Variants in IFT74 observed in about 807,000 individuals in gnomAD.
IFT74 encodes intraflagellar transport 74, also known as intraflagellar transport protein 74 homolog.
A neutral mutation model predicts 96.7 loss-of-function variants in IFT74; 92 were observed. The ratio of observed to expected loss-of-function variants is 0.95; its 90% CI spans 0.80 to 1.13. The LOEUF is 1.13. Ranked by LOEUF, IFT74 falls within the 50% of genes most tolerant of loss-of-function variation. The probability of loss-of-function intolerance (pLI) is 0.00; values close to 1 mark genes in which losing one functional copy is unlikely to be tolerated. For missense variants in IFT74, 811 were observed against 698.2 expected, an observed-to-expected ratio of 1.16 and a Z score of -1.82; for synonymous variants, 223 against 213.2, an observed-to-expected ratio of 1.05 and a Z score of -0.40.
At chr9:27,021,452 A>T (rs1038972703) in intron 12 of IFT74, among the ~76,000 whole-genome samples, 7 of 152,202 alleles carry the variant, frequency 4.6e-5, no homozygotes, top group African/African-American at 1.7e-4. Context: ...TTCCACAAGC[A>T]GTGTAAAAGT....
At chr9:27,026,682 A>T (rs993571778) in intron 12 of IFT74, among the ~76,000 whole-genome samples, 5 of 152,214 alleles carry the variant, frequency 3.3e-5, no homozygotes, top group African/African-American at 1.2e-4. Context: ...CTTAAAAACC[A>T]TGCAGATACA....
chr9:26,996,199 A>G (rs963597165), intron 8 of IFT74: 2 of 699,354 alleles, frequency 2.9e-6, no homozygotes, highest in African/African-American at 3.7e-5. Context: ...TTTAGTTGAG[A>G]TGAGGAATCT....
upstream of IFT74, among the ~76,000 whole-genome samples, chr9:26,954,861 GCAA>G (rs1826030208): frequency 6.6e-6 from 1 of 151,826 alleles, no homozygotes; most frequent in South Asian, 2.1e-4. Flanking sequence ...AACCTTAAAA[GCAA>G]CAGAACCTAA....
Position 27,016,948 on chromosome 9 carries a change from G to GCA in IFT74, c.832_833dup (p.Glu279MetfsTer14). ...AGGTGAAACAGGAGGCGGTATTGCT[G>GCA]CATGAAAAACTTTATGAGTTGGAGT... On this transcript the variant is annotated frameshift_variant, in exon 11 of 20. Transcript: ENST00000380062. LOFTEE classifies it high-confidence loss of function. 6.2e-7 allele frequency: 1 copy of GCA among 1,610,064 alleles called. No individual in the cohort carries two copies. Among genetic ancestry groups the GCA allele is most frequent in the Non-Finnish European group, 8.5e-7 (1 of 1,177,948 alleles).
chr9:27,021,511 T>C lies in IFT74; in HGVS notation c.974+2824T>C, dbSNP rs556864717. 2.0e-5 allele frequency among the ~76,000 whole-genome samples: 3 copies of C among 152,314 alleles called. No homozygotes were observed. The South Asian group carries it at 6.2e-4, about 32-fold the overall frequency. On this transcript the variant is annotated intron_variant, in intron 12 of 19. Transcript: ENST00000380062. ...CCAACATCTATTTTTAAAAATTTTT[T>C]AATTATGGCCATTCTTGCAGGAGTA...
At chr9:26,963,820 T>C (rs1826481511) in intron 2 of IFT74, among the ~76,000 whole-genome samples, 1 of 152,250 alleles carries the variant, frequency 6.6e-6, no homozygotes. Flanking sequence ...GTTTTTTTCT[T>C]GTAAATTTGT....
At chr9:27,052,063 G>C (rs985280267) in intron 16 of IFT74, among the ~76,000 whole-genome samples, 3 of 152,092 alleles carry the variant, frequency 2.0e-5, no homozygotes, top group Non-Finnish European at 4.4e-5. Flanking sequence ...AATTCAACAA[G>C]TTTTTCCCCC....
At chr9:26,999,810 C>G in intron 8 of IFT74, 2 of 613,826 alleles carry the variant, frequency 3.3e-6, no homozygotes, top group Non-Finnish European at 5.1e-6. Context: ...CAGGGTCTCA[C>G]TCTGTCACAC....
At chr9:26,962,467 G>A (rs891629288) in intron 2 of IFT74, among the ~76,000 whole-genome samples, 1 of 152,108 alleles carries the variant, frequency 6.6e-6, no homozygotes, top group Admixed American at 6.6e-5. Flanking sequence ...GTGTATTGGG[G>A]CCAGAATAAA....
intron 13 of IFT74, among the ~76,000 whole-genome samples, chr9:27,031,618 G>C: frequency 7.5e-6 from 1 of 133,536 alleles, no homozygotes; most frequent in East Asian, 2.1e-4. Flanking sequence ...TTTTTTTAAT[G>C]AGATAGGGTC....
chr9:27,019,328 C>T (rs1382911129), intron 12 of IFT74, among the ~76,000 whole-genome samples: 1 of 151,972 alleles, frequency 6.6e-6, no homozygotes, highest in East Asian at 1.9e-4. Flanking sequence ...CTCCCTTATC[C>T]CTCTCCCAGC....
chr9:26,948,763 G>A (rs1017315609), intron 1 of IFT74, among the ~76,000 whole-genome samples: 1 of 151,734 alleles, frequency 6.6e-6, no homozygotes, highest in African/African-American at 2.4e-5. Flanking sequence ...ACGCCTGGCC[G>A]GCTTTCCATT....
At chr9:26,996,088 A>T (rs1459343061) in intron 8 of IFT74, among the ~76,000 whole-genome samples, 1 of 152,162 alleles carries the variant, frequency 6.6e-6, no homozygotes, top group Non-Finnish European at 1.5e-5. Context: ...TTGTGACTAG[A>T]CTAGTTAAAA....
chr9:26,948,298 C>A (rs116260771), intron 1 of IFT74, among the ~76,000 whole-genome samples: 1,938 of 152,134 alleles, frequency 0.013, 39 homozygotes, highest in African/African-American at 0.045. Flanking sequence ...AAATCTGTAC[C>A]AATTAGTCCT....
At chr9:26,955,585 AATGAG>A (rs1202213337), upstream of IFT74, among the ~76,000 whole-genome samples, 4 of 152,186 alleles carry the variant, frequency 2.6e-5, no homozygotes, top group African/African-American at 4.8e-5. Context: ...GGTGAGCTCA[AATGAG>A]ATAATTACAT....
In IFT74 at chr9:27,064,514, G is replaced by A. The variant is rs1242596291; in HGVS notation, c.*1778G>A. ...TAATTTGGTGATTAGGAGCCTTTAT[G>A]GATATACCCGACTGCTGAAAAACAT... On this transcript the variant is annotated 3_prime_UTR_variant, in exon 20 of 20. Coordinates refer to ENST00000380062, the MANE Select transcript of IFT74 (RefSeq NM_025103.4). Among the ~76,000 whole-genome samples the A allele has an allele frequency of 6.6e-6, 1 of 152,048 alleles. No individual in the cohort carries two copies. Among genetic ancestry groups the A allele is most frequent in the Non-Finnish European group, 1.5e-5 (1 of 67,964 alleles).
In IFT74 at chr9:27,060,594, AC is replaced by A; in HGVS notation, c.1628del (p.Thr543LysfsTer17). Reference protein sequence around the residue: ...LQENETHSQLTNLERKWQHLE... With the variant: ...LQENETHSQLXNLERKWQHLE... The stretch of plus-strand genomic sequence containing the variant: ...TATTTTTCTTTTATGTTTTTAGCTT[AC>A]AAATTTGGAGAGAAAGTGGCAACAC... On this transcript the variant is annotated frameshift_variant, in exon 19 of 20. Coordinates refer to ENST00000380062, the MANE Select transcript of IFT74 (RefSeq NM_025103.4). LOFTEE classifies it high-confidence loss of function. The A allele has an allele frequency of 6.3e-7, 1 of 1,585,434 alleles. No homozygotes were observed. The highest frequency in any genetic ancestry group is 8.6e-7 in the Non-Finnish European group (1 of 1,161,058).
intron 10 of IFT74, among the ~76,000 whole-genome samples, chr9:27,012,715 T>TTTTG (rs1829150869): frequency 7.4e-6 from 1 of 135,580 alleles, no homozygotes; most frequent in Non-Finnish European, 1.6e-5. Flanking sequence ...TCTGTTTTTT[T>TTTTG]TTTTTTTTTT....
intron 8 of IFT74, chr9:26,998,318 C>T (rs1828283676): frequency 2.2e-6 from 2 of 894,196 alleles, no homozygotes; most frequent in Non-Finnish European, 3.2e-6. Context: ...TATTTAAGCA[C>T]TTAGACATTA....
Sources: allele counts gnomAD v4.1 joint callset (sites outside exome capture counted in the v4.1 genomes callset), GRCh38; gene constraint gnomAD v4.1.1; transcripts MANE v1.5; gene names NCBI Gene and HGNC (gene_info 2026-07-23, HGNC 2026-07-21).